Variants in NUDT18 observed in about 807,000 individuals in gnomAD.
The protein encoded by NUDT18 is 8-oxo-dGDP phosphatase NUDT18.
Under a neutral mutation model 27.6 loss-of-function variants are expected in NUDT18, and 26 were observed. The observed-to-expected ratio is 0.94, with a 90% confidence interval of 0.69 to 1.31. The LOEUF (loss-of-function observed/expected upper bound fraction) is 1.31, where lower values mean the gene tolerates loss of function less well. NUDT18 is among the 50% of genes most tolerant of loss of function. NUDT18 has a pLI of 0.00. For synonymous variants in NUDT18, 220 were observed against 196.9 expected (o/e 1.12, Z -0.98); for missense variants, 450 against 433.4 (o/e 1.04, Z -0.34).
intron 1 of NUDT18, 115 bp from the exon 2 acceptor site, chr8:22,108,461 GCT>G: frequency 4.6e-6 from 4 of 878,108 alleles, no homozygotes; most frequent in Non-Finnish European, 6.9e-6. Flanking sequence ...TCTCAACCCA[GCT>G]AGCGCTCCAG....
upstream of NUDT18, chr8:22,109,676 G>C (rs1396090114): frequency 2.1e-6 from 1 of 466,622 alleles, no homozygotes; most frequent in Non-Finnish European, 4.3e-6. Flanking sequence ...AGCGCGCACT[G>C]GTCTGCAGGA....
At position 22,109,210 on chromosome 8, in the gene NUDT18, C is replaced by T. The variant is rs779995953; in HGVS notation, c.91G>A (p.Glu31Lys). 27 of 1,442,858 alleles carry T rather than the reference C, an allele frequency of 1.9e-5. No individual in the cohort carries two copies. In the South Asian group the frequency reaches 3.3e-4, roughly 17 times the overall value. 89.4% of individuals were successfully genotyped at this position (1,442,858 alleles called of 1,614,324 possible). A position where few individuals can be genotyped will look rare whatever the true frequency, so the allele number is the denominator to read the frequency against. The change falls in exon 1 of 3, where the codon GAG (glutamate) becomes AAG (lysine). Residue 31 changes from glutamate to lysine, a missense_variant. Coordinates refer to ENST00000611621, the MANE Select transcript of NUDT18 (RefSeq NM_024815.4). ...VHSCDSAPAG[E>K]PPAPVRLRKN... ...CGCAGCCGCACGGGCGCCGGCGGCT[C>T]CCCGGCCGGCGCCGAGTCGCAGCTG...
Position 22,109,392 on chromosome 8 carries a change from C to CTGCGGAGACCGCTCCCAGTCCA in NUDT18, c.-93_-92insTGGACTGGGAGCGGTCTCCGCA. ...GCGCTGCGGAGCCCGCTCCCAGTCCCTGCGGCAGCGGGCCGGGAGCTCACG... is the reference window on the plus strand; with the variant it reads ...GCGCTGCGGAGCCCGCTCCCAGTCCCTGCGGAGACCGCTCCCAGTCCATGCGGCAGCGGGCCGGGAGCTCACG... On this transcript the variant is annotated 5_prime_UTR_variant, in exon 1 of 3. In the 5' UTR this introduces an upstream ATG that the reference lacks. Coordinates refer to ENST00000611621, the MANE Select transcript of NUDT18 (RefSeq NM_024815.4). The CTGCGGAGACCGCTCCCAGTCCA allele has an allele frequency of 1.6e-6, 2 of 1,227,770 alleles. No individual in the cohort carries two copies. Among genetic ancestry groups the CTGCGGAGACCGCTCCCAGTCCA allele is most frequent in the Non-Finnish European group, 2.1e-6 (2 of 954,116 alleles). 76.1% of individuals were successfully genotyped at this position (1,227,770 alleles called of 1,614,324 possible).
chr8:22,109,397 G>GAGCC lies in NUDT18; in HGVS notation c.-98_-97insGGCT. The stretch of plus-strand genomic sequence containing the variant: ...GCGGAGCCCGCTCCCAGTCCCTGCG[G>GAGCC]CAGCGGGCCGGGAGCTCACGAGAAC... On this transcript the variant is annotated 5_prime_UTR_variant, in exon 1 of 3. Transcript: ENST00000611621. 88 of 1,170,216 alleles carry GAGCC rather than the reference G, an allele frequency of 7.5e-5. No homozygotes were observed. Among genetic ancestry groups the GAGCC allele is most frequent in the Non-Finnish European group, 9.5e-5 (86 of 902,074 alleles). The allele number at this position is 1,170,216 out of a possible 1,614,324, so 72.5% of individuals were successfully genotyped here.
chr8:22,107,914 A>G lies in NUDT18; in HGVS notation c.377-19T>C. 1 of 1,546,632 alleles carries G rather than the reference A, an allele frequency of 6.5e-7. No individual in the cohort carries two copies. Among genetic ancestry groups the G allele is most frequent in the South Asian group, 1.2e-5 (1 of 81,914 alleles). On this transcript the variant is annotated intron_variant, in intron 2 of 2. Coordinates refer to ENST00000611621, the MANE Select transcript of NUDT18 (RefSeq NM_024815.4). ...ATTCCACCTGGGGGAGATGTGGGGG[A>G]TGGGGCAGGGAGGGTCTGTGTGGAG...
upstream of NUDT18, chr8:22,109,749 A>T: frequency 2.2e-6 from 1 of 456,844 alleles, no homozygotes; most frequent in South Asian, 1.6e-5. Context: ...GGCGACGGTG[A>T]CGCGACAATC....
intron 2 of NUDT18, 49 bp from the exon 3 acceptor site, chr8:22,107,944 G>C (rs1826396821): frequency 6.8e-7 from 1 of 1,462,658 alleles, no homozygotes; most frequent in Admixed American, 2.2e-5. Context: ...GTGGAGAGAA[G>C]TGCAGCTCTG....
upstream of NUDT18, chr8:22,109,432 C>T: frequency 2.0e-6 from 1 of 508,302 alleles, no homozygotes; most frequent in Non-Finnish European, 3.0e-6. Flanking sequence ...CGCGGAAGCG[C>T]ACGCGAACGC....
In NUDT18 at chr8:22,109,382, C is replaced by CTCCCAGTCCCTGCGGAGACCGT; in HGVS notation, c.-83_-82insACGGTCTCCGCAGGGACTGGGA. On this transcript the variant is annotated 5_prime_UTR_variant, in exon 1 of 3. Coordinates refer to ENST00000611621, the MANE Select transcript of NUDT18 (RefSeq NM_024815.4). The stretch of plus-strand genomic sequence containing the variant: ...GGGCTAGAGTGCGCTGCGGAGCCCG[C>CTCCCAGTCCCTGCGGAGACCGT]TCCCAGTCCCTGCGGCAGCGGGCCG... 7.7e-7 allele frequency: 1 copy of CTCCCAGTCCCTGCGGAGACCGT among 1,296,666 alleles called. No homozygotes were observed. Among genetic ancestry groups the CTCCCAGTCCCTGCGGAGACCGT allele is most frequent in the Non-Finnish European group, 9.8e-7 (1 of 1,015,272 alleles). The allele number at this position is 1,296,666 out of a possible 1,614,324, so 80.3% of individuals were successfully genotyped here.
upstream of NUDT18, among the ~76,000 whole-genome samples, chr8:22,110,227 C>T (rs1230369883): frequency 6.6e-6 from 1 of 152,258 alleles, no homozygotes; most frequent in Non-Finnish European, 1.5e-5. Context: ...CCCTGCTCCT[C>T]CATCCTTGTC....
chr8:22,109,253 G>T lies in NUDT18; in HGVS notation c.48C>A (p.Gly16=). ...LAGALASVLA[G]QGSSVHSCDS... ...CGCAGCTGTGCACGCTGGACCCCTG[G>T]CCAGCCAGCACGGAAGCCAGCGCCC... The change falls in exon 1 of 3, where the codon GGC becomes GGA. Residue 16 remains glycine, a synonymous_variant. Coordinates refer to ENST00000611621, the MANE Select transcript of NUDT18 (RefSeq NM_024815.4). The T allele has an allele frequency of 7.1e-7, 1 of 1,415,024 alleles. No homozygotes were observed. 87.7% of individuals were successfully genotyped at this position (1,415,024 alleles called of 1,614,324 possible).
chr8:22,107,281 T>C lies in NUDT18; in HGVS notation c.*19A>G, dbSNP rs1386007777. The C allele has an allele frequency of 1.3e-6, 2 of 1,551,758 alleles. No individual in the cohort carries two copies. The highest frequency in any genetic ancestry group is 2.3e-5 in the East Asian group (1 of 43,446). ...GAGGGAGCACGGCTGCCTAGCTCCCTGTCACCTCCCCCACCTCTCTATCTG... is the reference window on the plus strand; with the variant it reads ...GAGGGAGCACGGCTGCCTAGCTCCCCGTCACCTCCCCCACCTCTCTATCTG... On this transcript the variant is annotated 3_prime_UTR_variant, in exon 3 of 3. Coordinates refer to ENST00000611621, the MANE Select transcript of NUDT18 (RefSeq NM_024815.4).
chr8:22,109,695 G>A (rs781364116), upstream of NUDT18: 6 of 462,654 alleles, frequency 1.3e-5, no homozygotes, highest in Non-Finnish European at 2.2e-5. Context: ...GAGCTCCGAC[G>A]GTGACGTCAT....
At position 22,109,271 on chromosome 8, in the gene NUDT18, C is replaced by G. The variant is rs1386863464; in HGVS notation, c.30G>C (p.Leu10=). ...ACCCCTGGCCAGCCAGCACGGAAGC[C>G]AGCGCCCCCGCCAGGCCCTCCGAGG... MASEGLAGA[L]ASVLAGQGSS... is the part of the protein sequence containing the mutation. Residue 10 remains leucine (L), a synonymous_variant, in exon 1 of 3, where the codon CTG becomes CTC. Coordinates refer to ENST00000611621, the MANE Select transcript of NUDT18 (RefSeq NM_024815.4). The G allele has an allele frequency of 7.2e-7, 1 of 1,397,260 alleles. No homozygotes were observed. 86.6% of individuals were successfully genotyped at this position (1,397,260 alleles called of 1,614,324 possible). A position where few individuals can be genotyped will look rare whatever the true frequency, so the allele number is the denominator to read the frequency against.
At chr8:22,109,116 C>A in intron 1 of NUDT18, 23 bp downstream of exon 1, 2 of 1,394,616 alleles carry the variant, frequency 1.4e-6, no homozygotes, top group Non-Finnish European at 1.8e-6. Flanking sequence ...CGAGGCCCGG[C>A]GGGCCCGGGG....
At chr8:22,108,841 G>A (rs1826413367) in intron 1 of NUDT18, among the ~76,000 whole-genome samples, 1 of 152,216 alleles carries the variant, frequency 6.6e-6, no homozygotes, top group African/African-American at 2.4e-5. Context: ...CCAAAGGCCT[G>A]AAGGTAAGCC....
At position 22,109,369 on chromosome 8, in the gene NUDT18, G is replaced by GCTGCGCAGCCCGCTCCCAGTCC; in HGVS notation, c.-70_-69insGGACTGGGAGCGGGCTGCGCAG. On this transcript the variant is annotated 5_prime_UTR_variant, in exon 1 of 3. Transcript: ENST00000611621. ...TGAGCCGAGCCGCGGGCTAGAGTGC[G>GCTGCGCAGCCCGCTCCCAGTCC]CTGCGGAGCCCGCTCCCAGTCCCTG... 2.8e-6 allele frequency: 2 copies of GCTGCGCAGCCCGCTCCCAGTCC among 712,744 alleles called. No individual in the cohort carries two copies. Among genetic ancestry groups the GCTGCGCAGCCCGCTCCCAGTCC allele is most frequent in the Non-Finnish European group, 3.6e-6 (2 of 557,186 alleles). 44.2% of individuals were successfully genotyped at this position (712,744 alleles called of 1,614,324 possible).
At chr8:22,110,346 C>G (rs1238981388), upstream of NUDT18, among the ~76,000 whole-genome samples, 6 of 152,266 alleles carry the variant, frequency 3.9e-5, no homozygotes, top group Non-Finnish European at 5.9e-5. Flanking sequence ...CTTCACCCCA[C>G]CTCAGCACTG....
upstream of NUDT18, chr8:22,109,839 G>GAGTT (rs1563611427): frequency 2.3e-6 from 1 of 437,602 alleles, no homozygotes. Flanking sequence ...GGCATTGCCG[G>GAGTT]AGTTGATCAT....
Sources: gnomAD v4.1 joint callset for allele counts (sites outside exome capture counted in the v4.1 genomes callset) on GRCh38, gnomAD v4.1.1 for gene constraint, MANE v1.5 for transcripts, NCBI Gene and HGNC (gene_info 2026-07-23, HGNC 2026-07-21) for gene names.